SLIT3: variants seen among roughly 807,000 people sequenced by gnomAD.
SLIT3 encodes slit guidance ligand 3.
In SLIT3, 68 loss-of-function variants were observed where a neutral mutation model predicts 184.0. That is an observed-to-expected ratio of 0.37 (90% CI 0.30 to 0.45). The LOEUF (loss-of-function observed/expected upper bound fraction) is 0.45, where lower values mean the gene tolerates loss of function less well. SLIT3 is among the 20% of genes least tolerant of loss of function. The pLI, the probability that SLIT3 is intolerant of heterozygous loss-of-function variation, is 1.00. For synonymous variants in SLIT3, 831 were observed against 828.6 expected, an observed-to-expected ratio of 1.00 and a Z score of -0.05; for missense variants, 1,707 against 2,026.0, an observed-to-expected ratio of 0.84 and a Z score of 3.02.
At chr5:169,169,072 G>T (rs551211712) in intron 4 of SLIT3, among the ~76,000 whole-genome samples, 1 of 152,282 alleles carries the variant, frequency 6.6e-6, no homozygotes, top group Non-Finnish European at 1.5e-5. Context: ...CTCGCACAGA[G>T]GTGTTGTAAG....
intron 5 of SLIT3, among the ~76,000 whole-genome samples, chr5:168,873,356 A>G (rs1377649237): frequency 2.0e-5 from 3 of 152,026 alleles, no homozygotes; most frequent in Non-Finnish European, 4.4e-5. Flanking sequence ...TATGGCCGGT[A>G]TAGTGACTCA....
chr5:168,905,959 C>T (rs760874419), intron 4 of SLIT3, among the ~76,000 whole-genome samples: 14 of 152,076 alleles, frequency 9.2e-5, no homozygotes, highest in African/African-American at 1.7e-4. Context: ...GAGGTGAACG[C>T]GAAAGAGATA....
intron 3 of SLIT3, among the ~76,000 whole-genome samples, chr5:169,227,432 CATT>C (rs1290465607): frequency 6.6e-6 from 1 of 152,058 alleles, no homozygotes; most frequent in Non-Finnish European, 1.5e-5. Context: ...GTGGTTTTGT[CATT>C]ATTATGTTTT....
At chr5:169,004,732 T>C (rs1439607462) in intron 4 of SLIT3, among the ~76,000 whole-genome samples, 3 of 151,952 alleles carry the variant, frequency 2.0e-5, no homozygotes, top group African/African-American at 7.3e-5. Flanking sequence ...TAGGTATAGA[T>C]GAGGTCATGA....
At chr5:168,756,784 T>G (rs968660578) in intron 16 of SLIT3, among the ~76,000 whole-genome samples, 9 of 152,088 alleles carry the variant, frequency 5.9e-5, no homozygotes, top group African/African-American at 2.2e-4. Flanking sequence ...TTGAGCTTCT[T>G]TGTTGGGGAG....
chr5:168,937,576 G>A (rs886244251), intron 4 of SLIT3, among the ~76,000 whole-genome samples: 13 of 152,210 alleles, frequency 8.5e-5, no homozygotes, highest in African/African-American at 3.1e-4. Flanking sequence ...GATCTAGATG[G>A]CATTGGCCTT....
intron 5 of SLIT3, among the ~76,000 whole-genome samples, chr5:168,855,315 C>T (rs1758825008): frequency 6.6e-6 from 1 of 152,156 alleles, no homozygotes; most frequent in South Asian, 2.1e-4. Context: ...TTTGGTGGTT[C>T]CTCAAAAAGT....
chr5:169,300,634 G>A lies in SLIT3; in HGVS notation c.76C>T (p.Leu26=), dbSNP rs1404218158. ...LALALALASV[L]SGPPAVACPT... The stretch of plus-strand genomic sequence containing the variant: ...CAGGCGACGGCTGGAGGCCCACTCA[G>A]GACGCTCGCCAGCGCCAAGGCCAGC... The change falls in exon 1 of 36, where the codon CTG becomes TTG. Residue 26 remains leucine, a synonymous_variant. Transcript: ENST00000519560. This position sits in a 1 kb window ranked among gnomAD's most constrained non-coding sequence, Gnocchi z 4.1. The A allele has an allele frequency of 3.4e-6, 5 of 1,491,714 alleles. No homozygotes were observed. The highest frequency in any genetic ancestry group is 4.4e-6 in the Non-Finnish European group (5 of 1,126,006). 92.4% of individuals were successfully genotyped at this position (1,491,714 alleles called of 1,614,324 possible).
intron 30 of SLIT3, 59 bp downstream of exon 30, chr5:168,686,920 C>A (rs1427227015): frequency 3.8e-6 from 6 of 1,592,998 alleles, no homozygotes; most frequent in Non-Finnish European, 5.2e-6. Flanking sequence ...AGCCAGTCAG[C>A]CCCAGCCCCT....
intron 2 of SLIT3, among the ~76,000 whole-genome samples, chr5:169,249,599 TAA>T (rs33984197): frequency 6.6e-6 from 1 of 151,412 alleles, no homozygotes; most frequent in Middle Eastern, 3.4e-3. Flanking sequence ...GGGAAATAAA[TAA>T]AAAAAAATAA....
chr5:169,066,497 C>G (rs1758352506), intron 4 of SLIT3, among the ~76,000 whole-genome samples: 1 of 152,168 alleles, frequency 6.6e-6, no homozygotes. Context: ...ATTCCCTGTG[C>G]CTTGAAACCT....
intron 6 of SLIT3, among the ~76,000 whole-genome samples, chr5:168,830,823 C>T (rs1399757097): frequency 6.6e-6 from 1 of 152,224 alleles, no homozygotes; most frequent in Admixed American, 6.5e-5. Flanking sequence ...CTGCCTCTTA[C>T]AGGATTGTCT....
chr5:169,076,978 A>G (rs778946774), intron 4 of SLIT3, among the ~76,000 whole-genome samples: 1 of 151,748 alleles, frequency 6.6e-6, no homozygotes, highest in African/African-American at 2.4e-5. Context: ...ACACACACAC[A>G]CCCTAGAGGG....
intron 3 of SLIT3, among the ~76,000 whole-genome samples, chr5:169,209,803 G>A (rs1207705906): frequency 1.3e-5 from 2 of 152,128 alleles, no homozygotes; most frequent in East Asian, 3.9e-4. Context: ...TCGGGGGTAG[G>A]GGGCAAGGGG....
Position 168,817,366 on chromosome 5 carries a change from T to C in SLIT3, c.727A>G (p.Met243Val), listed in dbSNP as rs988253940. The C allele has an allele frequency of 1.2e-6, 2 of 1,614,182 alleles. No individual in the cohort carries two copies. Among genetic ancestry groups the C allele is most frequent in the Non-Finnish European group, 1.7e-6 (2 of 1,180,040 alleles). Residue 243 changes from methionine to valine, a missense_variant, in exon 8 of 36, where the codon ATG becomes GTG. Coordinates refer to ENST00000519560, the MANE Select transcript of SLIT3 (RefSeq NM_003062.4). ...RRTVGQFTLC[M>V]APVHLRGFNV... is the part of the protein sequence containing the mutation. ...AAGCCCCTCAAATGCACAGGAGCCA[T>C]GCAGAGTGTGAACTGGCCAACTGTC... is the stretch of plus-strand genomic sequence containing the variant.
intron 1 of SLIT3, among the ~76,000 whole-genome samples, chr5:169,265,049 G>A (rs1276034901): frequency 6.6e-6 from 1 of 152,172 alleles, no homozygotes; most frequent in Non-Finnish European, 1.5e-5. Context: ...ATGTGGTCAT[G>A]GTGAGGGCAT....
intron 3 of SLIT3, among the ~76,000 whole-genome samples, chr5:169,231,877 T>A (rs12716240): frequency 6.6e-6 from 1 of 152,200 alleles, no homozygotes; most frequent in South Asian, 2.1e-4. Flanking sequence ...GTATGTGTCA[T>A]TGTGGTTTTA....
chr5:168,875,566 G>A (rs1759702179), intron 5 of SLIT3, among the ~76,000 whole-genome samples: 2 of 151,916 alleles, frequency 1.3e-5, no homozygotes, highest in African/African-American at 4.8e-5. Flanking sequence ...CCCAGGAGGC[G>A]GAGGTTGCAG....
intron 4 of SLIT3, among the ~76,000 whole-genome samples, chr5:168,958,148 C>A (rs1762892847): frequency 2.0e-5 from 3 of 152,090 alleles, no homozygotes; most frequent in Admixed American, 2.0e-4. Context: ...CCCTATAAAC[C>A]ATTTACTCAT....
Sources: gnomAD v4.1 joint callset for allele counts (sites outside exome capture counted in the v4.1 genomes callset) on GRCh38, gnomAD v4.1.1 for gene constraint, Gnocchi (gnomAD v3.1) non-coding constraint, MANE v1.5 for transcripts, NCBI Gene and HGNC (gene_info 2026-07-23, HGNC 2026-07-21) for gene names.